The following FKTN variants were observed in gnomAD, a reference collection of about 807,000 sequenced individuals.
FKTN encodes the protein fukutin.
A neutral mutation model predicts 58.6 loss-of-function variants in FKTN; 47 were observed. The observed-to-expected ratio is 0.80, with a 90% CI of 0.63 to 1.02. The LOEUF (loss-of-function observed/expected upper bound fraction) is 1.02. FKTN is among the 50% of genes least tolerant of loss of function. The probability of loss-of-function intolerance (pLI) is 0.00; values close to 1 mark genes in which losing one functional copy is unlikely to be tolerated. For missense variants in FKTN, 516 were observed against 537.3 expected (o/e 0.96, Z 0.39); for synonymous variants, 178 against 191.9 (o/e 0.93, Z 0.60).
chr9:105,617,917 C>T (rs1036319062), intron 8 of FKTN, 42 bp from the exon 9 acceptor site: 1 of 1,332,878 alleles, frequency 7.5e-7, no homozygotes, highest in Non-Finnish European at 1.0e-6. Context: ...CTAATTTTTT[C>T]CAAACCTAAA....
intron 1 of FKTN, among the ~76,000 whole-genome samples, chr9:105,565,884 A>T (rs1049820497): frequency 1.1e-4 from 17 of 152,214 alleles, no homozygotes; most frequent in African/African-American, 3.9e-4. Context: ...TCCAAAGTTG[A>T]CCACATATAT....
chr9:105,567,054 T>A (rs993036156), intron 1 of FKTN, among the ~76,000 whole-genome samples: 22 of 152,166 alleles, frequency 1.4e-4, no homozygotes, highest in Admixed American at 2.0e-4. Flanking sequence ...CCACATAAGA[T>A]TATCTCAATA....
At chr9:105,558,996 C>T (rs546212052) in intron 1 of FKTN, among the ~76,000 whole-genome samples, 1 of 152,292 alleles carries the variant, frequency 6.6e-6, no homozygotes, top group East Asian at 1.9e-4. Flanking sequence ...AAAGGAAGTG[C>T]AGGGTGTTCT....
intron 3 of FKTN, among the ~76,000 whole-genome samples, chr9:105,582,641 C>G (rs1587945263): frequency 6.6e-6 from 1 of 152,266 alleles, no homozygotes; most frequent in East Asian, 1.9e-4. Flanking sequence ...TATACTGATT[C>G]TACTTTTGAT....
At chr9:105,559,095 C>G (rs1472084077) in intron 1 of FKTN, among the ~76,000 whole-genome samples, 1 of 152,180 alleles carries the variant, frequency 6.6e-6, no homozygotes, top group African/African-American at 2.4e-5. Context: ...TATTTTTAAC[C>G]TGCGTTTCTA....
Position 105,638,288 on chromosome 9 carries a change from G to A in FKTN, c.*3024G>A, listed in dbSNP as rs1289659339. On this transcript the variant is annotated 3_prime_UTR_variant, in exon 11 of 11. Transcript: ENST00000357998. ...GGCTAAGTCTCAGGGTGTTTCTGCC[G>A]CTTAGTATCTTTTTGTTCAGATTGA... The A allele has an allele frequency of 3.0e-6, 3 of 985,220 alleles. No individual in the cohort carries two copies. The highest frequency in any genetic ancestry group is 1.7e-5 in the African/African-American group (1 of 57,196). 61.0% of individuals were successfully genotyped at this position (985,220 alleles called of 1,614,324 possible).
At chr9:105,591,137 A>T (rs1844792560) in intron 3 of FKTN, among the ~76,000 whole-genome samples, 2 of 152,174 alleles carry the variant, frequency 1.3e-5, no homozygotes, top group Admixed American at 1.3e-4. Context: ...ACAATTTGAC[A>T]TGAGATTTGG....
At chr9:105,598,300 AC>A in intron 4 of FKTN, 1 of 299,806 alleles carries the variant, frequency 3.3e-6, no homozygotes, top group Non-Finnish European at 6.9e-6. Flanking sequence ...ATACTTCTAA[AC>A]TTTTAGAAGG....
intron 4 of FKTN, among the ~76,000 whole-genome samples, chr9:105,600,169 G>T (rs1043514000): frequency 1.6e-4 from 24 of 152,036 alleles, no homozygotes; most frequent in African/African-American, 5.8e-4. Context: ...AGAGATTATT[G>T]TATTCTTGGC....
At chr9:105,615,206 T>C in intron 7 of FKTN, 72 bp from the exon 8 acceptor site, 1 of 1,533,936 alleles carries the variant, frequency 6.5e-7, no homozygotes, top group Non-Finnish European at 9.0e-7. Flanking sequence ...TCAAATTTAA[T>C]TCAGATGCCA....
chr9:105,563,118 AC>A (rs1335220821), intron 1 of FKTN, among the ~76,000 whole-genome samples: 3 of 152,198 alleles, frequency 2.0e-5, no homozygotes, highest in Non-Finnish European at 4.4e-5. Context: ...TCATACTAAT[AC>A]CTTCAAAGGA....
intron 10 of FKTN, among the ~76,000 whole-genome samples, chr9:105,630,509 G>T (rs1439144466): frequency 1.3e-5 from 2 of 152,128 alleles, no homozygotes; most frequent in Non-Finnish European, 2.9e-5. Flanking sequence ...TGCCTTCACA[G>T]AACAGATTAT....
chr9:105,624,623 CAAAA>C (rs779770311), intron 10 of FKTN, among the ~76,000 whole-genome samples: 4 of 69,178 alleles, frequency 5.8e-5, no homozygotes, highest in Admixed American at 1.6e-4. Context: ...AGAGCAAAAC[CAAAA>C]AAAAAAAAAA....
chr9:105,580,598 C>A (rs1842705432), intron 3 of FKTN, among the ~76,000 whole-genome samples: 1 of 77,316 alleles, frequency 1.3e-5, no homozygotes, highest in African/African-American at 5.4e-5. Context: ...CTGCCCTTAA[C>A]ATTTTTTCCT....
intron 10 of FKTN, among the ~76,000 whole-genome samples, chr9:105,627,389 G>C (rs1460989534): frequency 6.6e-6 from 1 of 152,104 alleles, no homozygotes; most frequent in Non-Finnish European, 1.5e-5. Context: ...CCTATCCCAA[G>C]ATAATGAAGC....
At chr9:105,604,628 T>G in intron 6 of FKTN, 136 bp downstream of exon 6, 2 of 741,736 alleles carry the variant, frequency 2.7e-6, no homozygotes, top group East Asian at 2.9e-5. Context: ...TCTTAATGAC[T>G]CCAAATTAGA....
rs1162508512 is a variant in FKTN at position 105,621,806 on chromosome 9, C to G, written c.1172+1745C>G. On this transcript the variant is annotated intron_variant, in intron 10 of 10. Transcript: ENST00000357998. ...TTGTATGGCAATACCATAATTTATT[C>G]AACCAATTCCCTATTGATGAATATT... Among the ~76,000 whole-genome samples the G allele has an allele frequency of 3.3e-5, 5 of 152,068 alleles. No homozygotes were observed. The East Asian group carries it at 9.6e-4, about 29-fold the overall frequency.
chr9:105,575,201 C>G, intron 3 of FKTN, 64 bp downstream of exon 3: 2 of 944,470 alleles, frequency 2.1e-6, no homozygotes, highest in Non-Finnish European at 3.5e-6. Context: ...TCTGATCACA[C>G]TTCTCTTTGC....
intron 3 of FKTN, among the ~76,000 whole-genome samples, chr9:105,575,984 T>C (rs1288033932): frequency 6.6e-6 from 1 of 151,854 alleles, no homozygotes; most frequent in Non-Finnish European, 1.5e-5. Flanking sequence ...AAGAGAAAAA[T>C]GTATGGAGCA....
Sources: allele counts gnomAD v4.1 joint callset (sites outside exome capture counted in the v4.1 genomes callset), GRCh38; gene constraint gnomAD v4.1.1; transcripts MANE v1.5; gene names NCBI Gene and HGNC (gene_info 2026-07-23, HGNC 2026-07-21).